Variants in CRK observed in about 807,000 individuals in gnomAD.
The protein encoded by CRK is adapter molecule crk.
A neutral mutation model predicts 29.8 loss-of-function variants in CRK; 4 were observed. That is an observed-to-expected ratio of 0.13 (90% CI 0.07 to 0.31). The LOEUF (loss-of-function observed/expected upper bound fraction) is 0.31, where lower values mean the gene tolerates loss of function less well. Ranked by LOEUF, CRK falls within the 10% of genes least tolerant of loss-of-function variation. The pLI is 1.00. For synonymous variants in CRK, 153 were observed against 164.9 expected (o/e 0.93, Z 0.55); for missense variants, 274 against 396.5 (o/e 0.69, Z 2.62).
intron 2 of CRK, among the ~76,000 whole-genome samples, chr17:1,435,277 C>A (rs1369161892): frequency 6.6e-6 from 1 of 152,006 alleles, no homozygotes; most frequent in Non-Finnish European, 1.5e-5. Context: ...GTCTCCAACT[C>A]CTGAGCTCAA....
At chr17:1,453,702 T>C (rs574324592) in intron 1 of CRK, among the ~76,000 whole-genome samples, 10 of 151,296 alleles carry the variant, frequency 6.6e-5, no homozygotes, top group African/African-American at 2.4e-4. Context: ...AGGTCAGGAG[T>C]TCGAGACCAG....
chr17:1,445,966 T>C (rs1200961014), intron 1 of CRK, among the ~76,000 whole-genome samples: 2 of 152,222 alleles, frequency 1.3e-5, no homozygotes, highest in Non-Finnish European at 2.9e-5. Context: ...GGTTTCACCA[T>C]GTTGGCCAGG....
At chr17:1,435,714 C>G (rs895840708) in intron 2 of CRK, among the ~76,000 whole-genome samples, 2 of 151,704 alleles carry the variant, frequency 1.3e-5, no homozygotes, top group Non-Finnish European at 2.9e-5. Context: ...TTAAAAAAAG[C>G]TGAGGTCTAT....
chr17:1,446,934 CG>C (rs1187620511), intron 1 of CRK, among the ~76,000 whole-genome samples: 1 of 152,194 alleles, frequency 6.6e-6, no homozygotes, highest in Non-Finnish European at 1.5e-5. Context: ...GACACAGAAA[CG>C]TAAGCAAAAC....
chr17:1,426,842 A>G (rs961446888), intron 2 of CRK, among the ~76,000 whole-genome samples: 13 of 83,264 alleles, frequency 1.6e-4, no homozygotes, highest in Admixed American at 7.9e-4. Flanking sequence ...AGCCTGGCCA[A>G]CAGAGTTACA....
At chr17:1,448,887 T>A (rs2073996688) in intron 1 of CRK, among the ~76,000 whole-genome samples, 1 of 151,948 alleles carries the variant, frequency 6.6e-6, no homozygotes, top group African/African-American at 2.4e-5. Context: ...TCTCTATTTT[T>A]AAAAACTGAT....
intron 1 of CRK, among the ~76,000 whole-genome samples, chr17:1,448,581 C>A (rs1412180063): frequency 7.7e-6 from 1 of 130,466 alleles, no homozygotes; most frequent in African/African-American, 3.1e-5. Context: ...CGAGAATATG[C>A]CATTGCACTC....
At chr17:1,427,030 C>CAAAAAAAAA (rs562515421) in intron 2 of CRK, among the ~76,000 whole-genome samples, 17 of 35,302 alleles carry the variant, frequency 4.8e-4, no homozygotes, top group East Asian at 1.3e-3. Context: ...AAACTGTCTC[C>CAAAAAAAAA]AAAAAAAAAA....
At chr17:1,423,797 C>G (rs938106270) in intron 2 of CRK, 147 bp from the exon 3 acceptor site, 2 of 916,596 alleles carry the variant, frequency 2.2e-6, no homozygotes, top group South Asian at 1.9e-5. Context: ...CAGCCCCAGC[C>G]ACCAGACTGA....
chr17:1,433,181 C>T (rs1454861247), intron 2 of CRK, among the ~76,000 whole-genome samples: 1 of 152,138 alleles, frequency 6.6e-6, no homozygotes, highest in Non-Finnish European at 1.5e-5. Context: ...AAAATCAGAA[C>T]CCAAATGGTA....
chr17:1,452,258 C>G (rs1250771397), intron 1 of CRK, among the ~76,000 whole-genome samples: 1 of 152,090 alleles, frequency 6.6e-6, no homozygotes, highest in Non-Finnish European at 1.5e-5. Flanking sequence ...AAATGGAGAT[C>G]ATATTACTTA....
chr17:1,420,777 C>T lies in CRK; in HGVS notation c.*2736G>A, dbSNP rs1555650964. 6.6e-6 allele frequency: 1 copy of T among 151,550 alleles called. No homozygotes were observed. Among genetic ancestry groups the T allele is most frequent in the African/African-American group, 2.4e-5 (1 of 41,278 alleles). 9.4% of individuals were successfully genotyped at this position (151,550 alleles called of 1,614,324 possible). A position where few individuals can be genotyped will look rare whatever the true frequency, so the allele number is the denominator to read the frequency against. On this transcript the variant is annotated 3_prime_UTR_variant, in exon 3 of 3. Transcript: ENST00000300574. Reference sequence around the variant, plus strand: ...TATAAACATATACAATACATGCTACCAAAAAAAATTTTTTTTTAAATTTAA... The same window carrying T: ...TATAAACATATACAATACATGCTACTAAAAAAAATTTTTTTTTAAATTTAA...
intron 1 of CRK, among the ~76,000 whole-genome samples, chr17:1,454,897 T>C (rs980463415): frequency 3.3e-5 from 5 of 152,264 alleles, no homozygotes; most frequent in African/African-American, 1.2e-4. Flanking sequence ...CAGGGATCCC[T>C]CCCTGGCAAG....
chr17:1,434,792 CA>C (rs376877954), intron 2 of CRK, among the ~76,000 whole-genome samples: 123 of 124,700 alleles, frequency 9.9e-4, no homozygotes, highest in Admixed American at 1.9e-3. Flanking sequence ...CAAAAAGAAC[CA>C]AAAAAAAAAA....
At chr17:1,439,994 A>T (rs1310174289) in intron 1 of CRK, among the ~76,000 whole-genome samples, 1 of 151,868 alleles carries the variant, frequency 6.6e-6, no homozygotes, top group Non-Finnish European at 1.5e-5. Context: ...TCACTACAAA[A>T]ATTATTTAAA....
At chr17:1,440,288 G>A (rs1057232514) in intron 1 of CRK, among the ~76,000 whole-genome samples, 6 of 149,620 alleles carry the variant, frequency 4.0e-5, no homozygotes, top group South Asian at 2.1e-4. Context: ...GACAGAGCGG[G>A]ACTCTGTCTC....
At chr17:1,447,804 A>C (rs994279816) in intron 1 of CRK, among the ~76,000 whole-genome samples, 30 of 151,608 alleles carry the variant, frequency 2.0e-4, no homozygotes, top group East Asian at 1.9e-4. Context: ...TTTAGGAAAG[A>C]CAGGGTTTTG....
At chr17:1,431,025 G>GC (rs562865108) in intron 2 of CRK, among the ~76,000 whole-genome samples, 4,099 of 152,092 alleles carry the variant, frequency 0.027, 87 homozygotes, top group Non-Finnish European at 0.038. Flanking sequence ...CCGAGATCAC[G>GC]CACTGCACTC....
At chr17:1,426,325 A>T (rs1281329680) in intron 2 of CRK, 1 of 152,362 alleles carries the variant, frequency 6.6e-6, no homozygotes, top group Non-Finnish European at 1.5e-5. Context: ...GAGGAAGGGG[A>T]GGAAGGGATG....
Sources: allele counts gnomAD v4.1 joint callset (sites outside exome capture counted in the v4.1 genomes callset), GRCh38; gene constraint gnomAD v4.1.1; transcripts MANE v1.5; gene names NCBI Gene and HGNC (gene_info 2026-07-23, HGNC 2026-07-21).